METTL21C: variants seen among roughly 807,000 people sequenced by gnomAD.
METTL21C encodes the protein methyltransferase 21C, AARS1 lysine, also known as protein-lysine methyltransferase METTL21C.
A neutral mutation model predicts 25.9 loss-of-function variants in METTL21C; 21 were observed. The ratio of observed to expected loss-of-function variants is 0.81; its 90% confidence interval spans 0.58 to 1.17. METTL21C has a LOEUF of 1.17. Ranked by LOEUF, METTL21C falls within the 50% of genes most tolerant of loss-of-function variation. The pLI is 0.00. For missense variants in METTL21C, 312 were observed against 315.1 expected, an observed-to-expected ratio of 0.99 and a Z score of 0.07; for synonymous variants, 125 against 124.7, an observed-to-expected ratio of 1.00 and a Z score of -0.01.
rs1885817939 is a variant in METTL21C, at chr13:102,691,041, AG to A, written c.131-78del. On this transcript the variant is annotated intron_variant, in intron 1 of 3. Transcript: ENST00000267273. ...AAAGACACACTTGGTATAATTGCTA[AG>A]ATGGCATTAGATTGAATGACCTTTA... is the stretch of plus-strand genomic sequence containing the variant. 28 of 1,475,946 alleles carry A rather than the reference AG, an allele frequency of 1.9e-5. 1 individual carries two copies. The highest frequency in any genetic ancestry group is 2.5e-5 in the Non-Finnish European group (27 of 1,074,880). 91.4% of individuals were successfully genotyped at this position (1,475,946 alleles called of 1,614,324 possible). A position where few individuals can be genotyped will look rare whatever the true frequency, so the allele number is the denominator to read the frequency against.
At chr13:102,700,613 T>C in the METTL21C span, among the ~76,000 whole-genome samples, 1 of 152,228 alleles carries the variant, frequency 6.6e-6, no homozygotes, top group Non-Finnish European at 1.5e-5. Flanking sequence ...ACTGAAAATG[T>C]GCTTGAAATA....
At chr13:102,689,256 G>A (rs536217749) in intron 2 of METTL21C, among the ~76,000 whole-genome samples, 16 of 152,216 alleles carry the variant, frequency 1.1e-4, no homozygotes, top group South Asian at 2.1e-4. Flanking sequence ...CCACTTTCTC[G>A]CTACACCACT....
intron 1 of METTL21C, 72 bp from the exon 2 acceptor site, chr13:102,691,036 TG>T: frequency 7.9e-6 from 12 of 1,522,144 alleles, no homozygotes; most frequent in Non-Finnish European, 9.9e-6. Context: ...TTGGTATAAT[TG>T]CTAAGATGGC....
rs1419017266 is a variant in METTL21C, at chr13:102,685,761, TAAG to T, written c.*267_*269del. 2.8e-6 allele frequency: 1 copy of T among 351,916 alleles called. No homozygotes were observed. Among genetic ancestry groups the T allele is most frequent in the Non-Finnish European group, 5.1e-6 (1 of 194,772 alleles). The allele number at this position is 351,916 out of a possible 1,614,324, so 21.8% of individuals were successfully genotyped here. ...AAATTCACTTATTACTTTATCCATGTAAGATTTATTAAACATGTAACTTCGTTG... is the reference window on the plus strand; with the variant it reads ...AAATTCACTTATTACTTTATCCATGTATTTATTAAACATGTAACTTCGTTG... On this transcript the variant is annotated 3_prime_UTR_variant, in exon 4 of 4. Coordinates refer to ENST00000267273, the MANE Select transcript of METTL21C (RefSeq NM_001010977.3).
rs1885655773 is a variant in METTL21C at position 102,685,985 on chromosome 13, A to T, written c.*46T>A. On this transcript the variant is annotated 3_prime_UTR_variant, in exon 4 of 4. Coordinates refer to ENST00000267273, the MANE Select transcript of METTL21C (RefSeq NM_001010977.3). The stretch of plus-strand genomic sequence containing the variant: ...CTATTACCAAAGCAATTTCTAACAC[A>T]TTGCTCAAAAGACACAGTAACGTTG... 6.6e-7 allele frequency: 1 copy of T among 1,522,258 alleles called. No homozygotes were observed. The highest frequency in any genetic ancestry group is 8.8e-7 in the Non-Finnish European group (1 of 1,134,524). 94.3% of individuals were successfully genotyped at this position (1,522,258 alleles called of 1,614,324 possible).
intron 2 of METTL21C, among the ~76,000 whole-genome samples, chr13:102,687,692 C>A (rs185556459): frequency 6.6e-6 from 1 of 152,168 alleles, no homozygotes; most frequent in African/African-American, 2.4e-5. Flanking sequence ...TTCAGTAGGT[C>A]GAGAGTGGGG....
the METTL21C span, among the ~76,000 whole-genome samples, chr13:102,702,154 A>C: frequency 2.7e-5 from 4 of 150,766 alleles, no homozygotes; most frequent in Non-Finnish European, 5.9e-5. Context: ...ACAGAGCAAG[A>C]CTCTGCCTCA....
intron 2 of METTL21C, among the ~76,000 whole-genome samples, chr13:102,689,294 C>T (rs977564249): frequency 2.6e-5 from 4 of 152,124 alleles, no homozygotes; most frequent in African/African-American, 4.8e-5. Flanking sequence ...GAATGTGTTA[C>T]AATAGGAAGC....
At chr13:102,692,017 C>T (rs920363269) in intron 1 of METTL21C, among the ~76,000 whole-genome samples, 10 of 151,968 alleles carry the variant, frequency 6.6e-5, no homozygotes, top group Admixed American at 2.6e-4. Flanking sequence ...TTGGTCCCAG[C>T]GGGTGGGAAA....
At chr13:102,691,635 AC>A (rs1285801848) in intron 1 of METTL21C, among the ~76,000 whole-genome samples, 2 of 152,232 alleles carry the variant, frequency 1.3e-5, no homozygotes, top group African/African-American at 4.8e-5. Flanking sequence ...GGCGTGAGCC[AC>A]CACGCCCCGC....
At position 102,686,173 on chromosome 13, in the gene METTL21C, A is replaced by C. The variant is rs1172725429; in HGVS notation, c.653T>G (p.Val218Gly). The C allele has an allele frequency of 6.2e-7, 1 of 1,614,202 alleles. No homozygotes were observed. Among genetic ancestry groups the C allele is most frequent in the Non-Finnish European group, 8.5e-7 (1 of 1,180,032 alleles). ...TMVYLSQPGT[V>G]LLWANKFRFS... ...CCTGAATTTGTTTGCCCAAAGCAGC[A>C]CCGTCCCTGGCTGGGAAAGGTACAC... The change falls in exon 4 of 4, where the codon GTG (valine) becomes GGG (glycine). Residue 218 changes from valine (V) to glycine (G), a missense_variant. Val to Gly is a moderately radical substitution (Grantham distance 109, BLOSUM62 -3). Coordinates refer to ENST00000267273, the MANE Select transcript of METTL21C (RefSeq NM_001010977.3).
chr13:102,699,759 A>G (rs950681552), upstream of METTL21C, among the ~76,000 whole-genome samples: 1 of 152,154 alleles, frequency 6.6e-6, no homozygotes, highest in African/African-American at 2.4e-5. Context: ...AGTGGCCCAA[A>G]TGTCAGAATC....
intron 2 of METTL21C, among the ~76,000 whole-genome samples, chr13:102,690,132 G>T (rs1274099255): frequency 6.6e-6 from 1 of 152,086 alleles, no homozygotes; most frequent in Non-Finnish European, 1.5e-5. Context: ...GAGATGAATG[G>T]CTGGCCGGCC....
intron 1 of METTL21C, among the ~76,000 whole-genome samples, 195 bp from the exon 2 acceptor site, chr13:102,691,159 T>G (rs1885822117): frequency 6.6e-6 from 1 of 152,174 alleles, no homozygotes; most frequent in African/African-American, 2.4e-5. Context: ...GAAATTTGGA[T>G]GTGACAGTTT....
At chr13:102,698,025 G>T (rs1202589536), upstream of METTL21C, among the ~76,000 whole-genome samples, 1 of 152,186 alleles carries the variant, frequency 6.6e-6, no homozygotes, top group Middle Eastern at 3.2e-3. Context: ...ACACATGAGC[G>T]AGGCCAGGAC....
intron 2 of METTL21C, among the ~76,000 whole-genome samples, chr13:102,689,438 T>C (rs1358691827): frequency 6.6e-6 from 1 of 152,192 alleles, no homozygotes; most frequent in Non-Finnish European, 1.5e-5. Context: ...CCTAAGAGCC[T>C]GAAGCCCTTT....
chr13:102,697,893 G>C (rs1885971619), upstream of METTL21C, among the ~76,000 whole-genome samples: 1 of 152,166 alleles, frequency 6.6e-6, no homozygotes, highest in African/African-American at 2.4e-5. Flanking sequence ...ACTGGGAAAG[G>C]AGGCAAAACA....
intron 1 of METTL21C, 51 bp downstream of exon 1, chr13:102,694,318 G>T: frequency 1.9e-6 from 3 of 1,563,314 alleles, no homozygotes; most frequent in East Asian, 2.4e-5. Context: ...AGATGTCATC[G>T]CCAGGAAAAC....
the METTL21C span, among the ~76,000 whole-genome samples, chr13:102,700,726 A>T: frequency 1.3e-5 from 2 of 152,178 alleles, no homozygotes; most frequent in African/African-American, 4.8e-5. Context: ...AAATAAATGT[A>T]TCAGTGTGGA....
Sources: allele counts gnomAD v4.1 joint callset (sites outside exome capture counted in the v4.1 genomes callset), GRCh38; gene constraint gnomAD v4.1.1; transcripts MANE v1.5; gene names NCBI Gene and HGNC (gene_info 2026-07-23, HGNC 2026-07-21).